The following OTUD4 variants were observed in gnomAD, a reference collection of about 807,000 sequenced individuals.
OTUD4 encodes the protein OTU deubiquitinase 4.
Under a neutral mutation model 130.4 loss-of-function variants are expected in OTUD4, and 24 were observed. The observed-to-expected ratio is 0.18, with a 90% CI of 0.13 to 0.26. The LOEUF (loss-of-function observed/expected upper bound fraction) is 0.26. Among genes scored for constraint, OTUD4 ranks in the 10% least tolerant of loss-of-function variants. OTUD4 has a pLI of 1.00. For synonymous variants in OTUD4, 420 were observed against 472.5 expected, an observed-to-expected ratio of 0.89 and a Z score of 1.44; for missense variants, 1,031 against 1,329.4, an observed-to-expected ratio of 0.78 and a Z score of 3.49.
chr4:145,171,837 CTCAG>C, intron 2 of OTUD4, 117 bp from the exon 3 acceptor site: 1 of 662,920 alleles, frequency 1.5e-6, no homozygotes, highest in Non-Finnish European at 2.7e-6. Flanking sequence ...CCTAAAATAC[CTCAG>C]TATTATTTAA....
intron 18 of OTUD4, 124 bp from the exon 19 acceptor site, chr4:145,141,763 A>G: frequency 1.3e-6 from 1 of 792,384 alleles, no homozygotes; most frequent in Non-Finnish European, 1.9e-6. Context: ...ACCTTTTAGT[A>G]TCAACCAAGA....
intron 3 of OTUD4, among the ~76,000 whole-genome samples, chr4:145,169,390 A>T (rs1398783317): frequency 6.6e-6 from 1 of 152,256 alleles, no homozygotes; most frequent in Non-Finnish European, 1.5e-5. Context: ...GCTTTCTCTG[A>T]GAACTGGATG....
At chr4:145,157,404 C>G (rs1337143533) in intron 7 of OTUD4, among the ~76,000 whole-genome samples, 1 of 152,004 alleles carries the variant, frequency 6.6e-6, no homozygotes, top group Non-Finnish European at 1.5e-5. Flanking sequence ...GATGGTCTTA[C>G]AAAAAAGGCC....
chr4:145,139,367 AG>A (rs1357411011), intron 20 of OTUD4, among the ~76,000 whole-genome samples: 1 of 152,224 alleles, frequency 6.6e-6, no homozygotes, highest in African/African-American at 2.4e-5. Flanking sequence ...AAACTAATCT[AG>A]GTCAGGAGAA....
Position 145,144,577 on chromosome 4 carries a change from T to C in OTUD4, c.1423-143A>G, listed in dbSNP as rs750506392. 3.3e-4 allele frequency: 242 copies of C among 730,810 alleles called. 1 individual carries two copies. The highest frequency in any genetic ancestry group is 2.6e-4 in the Middle Eastern group (1 of 3,780). 45.3% of individuals were successfully genotyped at this position (730,810 alleles called of 1,614,324 possible). On this transcript the variant is annotated intron_variant, in intron 14 of 20. Transcript: ENST00000447906. ...TATTTTTAACTGAAACTAAAGAAGA[T>C]AGAATCTAGGGTCCATAATTAATTA... is the stretch of plus-strand genomic sequence containing the variant.
At chr4:145,177,754 G>C (rs940281154) in intron 1 of OTUD4, among the ~76,000 whole-genome samples, 1 of 152,200 alleles carries the variant, frequency 6.6e-6, no homozygotes, top group Non-Finnish European at 1.5e-5. Context: ...AATTTGGAGA[G>C]AAAGACCAAA....
intron 15 of OTUD4, 140 bp from the exon 16 acceptor site, chr4:145,144,141 G>C (rs1750712498): frequency 2.0e-6 from 2 of 1,011,354 alleles, no homozygotes; most frequent in Admixed American, 2.2e-5. Flanking sequence ...TTTTAGAATA[G>C]CACTTAACAT....
chr4:145,169,734 A>G (rs1428555956), intron 3 of OTUD4, among the ~76,000 whole-genome samples: 1 of 152,254 alleles, frequency 6.6e-6, no homozygotes, highest in Non-Finnish European at 1.5e-5. Flanking sequence ...TGCCTCCTAT[A>G]GTACCGGGAT....
chr4:145,155,910 T>C (rs774660458), intron 8 of OTUD4, 26 bp downstream of exon 8: 1 of 1,569,458 alleles, frequency 6.4e-7, no homozygotes, highest in South Asian at 1.2e-5. Context: ...AAGAACTACA[T>C]TTAAAACCAC....
chr4:145,144,136 G>T, intron 15 of OTUD4, 135 bp from the exon 16 acceptor site: 1 of 1,029,784 alleles, frequency 9.7e-7, no homozygotes, highest in Non-Finnish European at 1.5e-6. Flanking sequence ...GTAGTTTTTA[G>T]AATAGCACTT....
chr4:145,147,121 A>G (rs1750861904), intron 13 of OTUD4, among the ~76,000 whole-genome samples: 1 of 152,204 alleles, frequency 6.6e-6, no homozygotes. Flanking sequence ...AGCAGTATGA[A>G]TACTATTTCC....
At chr4:145,145,727 AG>A (rs1750788867) in intron 14 of OTUD4, among the ~76,000 whole-genome samples, 1 of 152,230 alleles carries the variant, frequency 6.6e-6, no homozygotes, top group Admixed American at 6.5e-5. Flanking sequence ...ACATGAGAAC[AG>A]TTTTCCCTTC....
chr4:145,166,208 T>A (rs1213520983), intron 3 of OTUD4, among the ~76,000 whole-genome samples: 2 of 150,818 alleles, frequency 1.3e-5, no homozygotes, highest in African/African-American at 4.9e-5. Flanking sequence ...AGCAGAAAAT[T>A]GGGAAGTATA....
chr4:145,172,832 G>A (rs1195553057), intron 2 of OTUD4, among the ~76,000 whole-genome samples: 2 of 151,666 alleles, frequency 1.3e-5, no homozygotes, highest in South Asian at 2.1e-4. Flanking sequence ...ATGATTATAG[G>A]TCTAAGGAAA....
At chr4:145,152,671 A>G (rs1382546366) in intron 10 of OTUD4, 36 bp from the exon 11 acceptor site, 3 of 1,222,300 alleles carry the variant, frequency 2.5e-6, no homozygotes, top group East Asian at 4.7e-5. Flanking sequence ...GGAAAAAAAA[A>G]ATCAGTCACC....
rs1443550281 is a variant in OTUD4, at chr4:145,138,360, A to G, written c.2415T>C (p.His805=). ...GATCAGCCTGGTAAGACAATTGTCC[A>G]TGACTTTCAGACACCTGAGATGGAG... ...VIPPSQVSES[H]GQLSYQADLE... is the part of the protein sequence containing the mutation. The change falls in exon 21 of 21, where the codon CAT becomes CAC. Residue 805 remains histidine (H), a synonymous_variant. Coordinates refer to ENST00000447906, the MANE Select transcript of OTUD4 (RefSeq NM_001366057.1). 1.9e-6 allele frequency: 3 copies of G among 1,614,094 alleles called. No homozygotes were observed. Among genetic ancestry groups the G allele is most frequent in the East Asian group, 4.5e-5 (2 of 44,896 alleles).
chr4:145,138,975 C>A (rs1750427049), intron 20 of OTUD4, among the ~76,000 whole-genome samples: 1 of 152,140 alleles, frequency 6.6e-6, no homozygotes, highest in Non-Finnish European at 1.5e-5. Context: ...CTGTGTGACC[C>A]CATGCAGGCC....
intron 3 of OTUD4, chr4:145,171,299 C>G (rs1291422491): frequency 6.2e-6 from 1 of 160,430 alleles, no homozygotes; most frequent in East Asian, 1.8e-4. Flanking sequence ...TCCAGCCTGG[C>G]AATGGAGTTA....
chr4:145,179,246 A>G (rs1396296573), intron 1 of OTUD4, among the ~76,000 whole-genome samples: 1 of 152,194 alleles, frequency 6.6e-6, no homozygotes, highest in Non-Finnish European at 1.5e-5. Context: ...GAACCTACTC[A>G]AGACAAATCC....
Sources: allele counts gnomAD v4.1 joint callset (sites outside exome capture counted in the v4.1 genomes callset), GRCh38; gene constraint gnomAD v4.1.1; transcripts MANE v1.5; gene names NCBI Gene and HGNC (gene_info 2026-07-23, HGNC 2026-07-21).